The following RAB6A variants were observed in gnomAD, a reference collection of about 807,000 sequenced individuals.
The protein encoded by RAB6A is ras-related protein Rab-6A.
In RAB6A, 8 loss-of-function variants were observed where a neutral mutation model predicts 32.3. The ratio of observed to expected loss-of-function variants is 0.25; its 90% CI spans 0.15 to 0.45. RAB6A has a LOEUF of 0.45. Among genes scored for constraint, RAB6A ranks in the 20% least tolerant of loss-of-function variants. The pLI is 1.00. For missense variants in RAB6A, 104 were observed against 249.4 expected (o/e 0.42, Z 3.93); for synonymous variants, 73 against 82.1 (o/e 0.89, Z 0.60).
rs1946306130 is a variant in RAB6A, at chr11:73,731,686, ATATATATATATATAT to A, written c.71-878_71-864del. 8.4e-3 allele frequency among the ~76,000 whole-genome samples: 231 copies of A among 27,574 alleles called. 11 individuals carry two copies. Among genetic ancestry groups the A allele is most frequent in the South Asian group, 0.041 (34 of 834 alleles). The allele number at this position is 27,574 out of a possible 152,430, so 18.1% of individuals were successfully genotyped here. A position where few individuals can be genotyped will look rare whatever the true frequency, so the allele number is the denominator to read the frequency against. On this transcript the variant is annotated intron_variant, in intron 1 of 7. Transcript: ENST00000336083. ...ATTGTGAGATAGATAGATAGATATTATATATATATATATATATATATATATATATATATATATATA... is the reference window on the plus strand; with the variant it reads ...ATTGTGAGATAGATAGATAGATATTAATATATATATATATATATATATATA...
rs778669775 is a variant in RAB6A at position 73,718,572 on chromosome 11, G to A, written c.289+41C>T. 17 of 1,508,414 alleles carry A rather than the reference G, an allele frequency of 1.1e-5. No homozygotes were observed. The African/African-American group carries it at 2.2e-4, about 20-fold the overall frequency. The allele number at this position is 1,508,414 out of a possible 1,614,324, so 93.4% of individuals were successfully genotyped here. ...AGAACATGCATGCAGCTAAGCTAAA[G>A]GTTGAAAGAAGATTAGAAATGCATA... is the stretch of plus-strand genomic sequence containing the variant. On this transcript the variant is annotated intron_variant, in intron 4 of 7. Coordinates refer to ENST00000336083, the MANE Select transcript of RAB6A (RefSeq NM_198896.2).
At chr11:73,678,839 C>T (rs527416020) in intron 7 of RAB6A, among the ~76,000 whole-genome samples, 3 of 151,168 alleles carry the variant, frequency 2.0e-5, no homozygotes, top group East Asian at 4.0e-4. Flanking sequence ...AATTCTCCTG[C>T]CTCAACCTCC....
intron 1 of RAB6A, among the ~76,000 whole-genome samples, chr11:73,752,592 C>CA (rs1385068274): frequency 2.6e-5 from 4 of 152,092 alleles, no homozygotes; most frequent in African/African-American, 7.2e-5. Context: ...CGAGGCCAGG[C>CA]AGATCGCATG....
chr11:73,708,066 G>A (rs1056763551), intron 5 of RAB6A, among the ~76,000 whole-genome samples: 2 of 152,098 alleles, frequency 1.3e-5, no homozygotes, highest in African/African-American at 4.8e-5. Context: ...CAAACTATTA[G>A]AATGCAAGTT....
intron 6 of RAB6A, among the ~76,000 whole-genome samples, chr11:73,706,798 TTA>T (rs1211207994): frequency 6.6e-6 from 1 of 152,160 alleles, no homozygotes; most frequent in Non-Finnish European, 1.5e-5. Flanking sequence ...TTGCTTTCAT[TTA>T]TCTCAGTCTT....
chr11:73,746,374 G>C (rs1197563626), intron 1 of RAB6A, among the ~76,000 whole-genome samples: 2 of 152,042 alleles, frequency 1.3e-5, no homozygotes, highest in African/African-American at 2.4e-5. Context: ...GCCAGGCACA[G>C]TGGCACATGC....
intron 1 of RAB6A, among the ~76,000 whole-genome samples, chr11:73,732,164 A>G (rs1464348080): frequency 1.3e-5 from 2 of 152,082 alleles, no homozygotes; most frequent in African/African-American, 4.8e-5. Flanking sequence ...TTATTTTTCT[A>G]TTTTGCCAGT....
At chr11:73,720,060 C>T (rs1010348869) in intron 3 of RAB6A, among the ~76,000 whole-genome samples, 1 of 151,728 alleles carries the variant, frequency 6.6e-6, no homozygotes, top group African/African-American at 2.4e-5. Context: ...AAGATATTCA[C>T]TGTTTAGGTG....
intron 3 of RAB6A, among the ~76,000 whole-genome samples, chr11:73,720,232 G>A (rs1259440557): frequency 6.7e-6 from 1 of 148,266 alleles, no homozygotes; most frequent in East Asian, 2.0e-4. Flanking sequence ...CCAGGCTAGA[G>A]TGCAATGGCG....
intron 1 of RAB6A, among the ~76,000 whole-genome samples, chr11:73,741,298 G>A (rs1340634693): frequency 1.3e-5 from 2 of 151,968 alleles, no homozygotes; most frequent in Non-Finnish European, 2.9e-5. Context: ...CACCACGCCT[G>A]GCTAATTTTT....
intron 5 of RAB6A, among the ~76,000 whole-genome samples, chr11:73,713,328 T>C (rs1945995141): frequency 6.6e-6 from 1 of 152,356 alleles, no homozygotes; most frequent in East Asian, 1.9e-4. Flanking sequence ...CCCAGCACTT[T>C]GGGAGACCAA....
At chr11:73,739,284 A>AAAAATATATATATAT (rs1208877325) in intron 1 of RAB6A, among the ~76,000 whole-genome samples, 1 of 6,762 alleles carries the variant, frequency 1.5e-4, no homozygotes, top group Admixed American at 3.4e-3. Context: ...AAAAAAAAAA[A>AAAAATATATATATAT]ATATATATAT....
intron 1 of RAB6A, among the ~76,000 whole-genome samples, chr11:73,754,410 T>C (rs78226216): frequency 0.046 from 6,990 of 152,276 alleles, 191 homozygotes; most frequent in Middle Eastern, 0.071. Flanking sequence ...TAAGATGTTA[T>C]TTGAATTTTT....
intron 5 of RAB6A, among the ~76,000 whole-genome samples, chr11:73,714,207 A>ATATATATATAT (rs56359106): frequency 2.3e-3 from 163 of 71,438 alleles, no homozygotes; most frequent in Middle Eastern, 5.4e-3. Flanking sequence ...AAAAAAAAAA[A>ATATATATATAT]AAATATATAT....
chr11:73,679,495 C>A (rs1439389807), intron 7 of RAB6A, among the ~76,000 whole-genome samples, 159 bp downstream of exon 7: 1 of 151,234 alleles, frequency 6.6e-6, no homozygotes, highest in Non-Finnish European at 1.5e-5. Context: ...CTTGGATAAC[C>A]AGACCTCATT....
chr11:73,709,418 A>G (rs1302255091), intron 5 of RAB6A, among the ~76,000 whole-genome samples: 7 of 147,316 alleles, frequency 4.8e-5, no homozygotes, highest in Admixed American at 3.5e-4. Flanking sequence ...AAGGGGACCA[A>G]TGAGTTTTCT....
chr11:73,693,948 T>C (rs1945616610), intron 6 of RAB6A, among the ~76,000 whole-genome samples: 1 of 152,200 alleles, frequency 6.6e-6, no homozygotes, highest in Non-Finnish European at 1.5e-5. Context: ...TTGAAAGTTA[T>C]TAGAAATACC....
rs1253392957 is a variant in RAB6A, at chr11:73,682,065, T to C, written c.496-2345A>G. ...ATTTCTGGTACACCATCAAAGATCATGTAGCTGTATAAATTACCATCATGT... is the reference window on the plus strand; with the variant it reads ...ATTTCTGGTACACCATCAAAGATCACGTAGCTGTATAAATTACCATCATGT... On this transcript the variant is annotated intron_variant, in intron 6 of 7. Coordinates refer to ENST00000336083, the MANE Select transcript of RAB6A (RefSeq NM_198896.2). Among the ~76,000 whole-genome samples, 4 of 152,354 alleles carry C rather than the reference T, an allele frequency of 2.6e-5. No homozygotes were observed. The South Asian group carries it at 8.3e-4, about 32-fold the overall frequency.
intron 6 of RAB6A, among the ~76,000 whole-genome samples, chr11:73,685,444 C>T (rs747726610): frequency 6.6e-6 from 1 of 151,410 alleles, no homozygotes; most frequent in Non-Finnish European, 1.5e-5. Context: ...GCCTGTGCCA[C>T]ACCCGGCAAA....
Sources: allele counts gnomAD v4.1 joint callset (sites outside exome capture counted in the v4.1 genomes callset), GRCh38; gene constraint gnomAD v4.1.1; transcripts MANE v1.5; gene names NCBI Gene and HGNC (gene_info 2026-07-23, HGNC 2026-07-21).